MCF2L2: variants seen among roughly 807,000 people sequenced by gnomAD.
MCF2L2 encodes probable guanine nucleotide exchange factor MCF2L2.
In MCF2L2, 102 loss-of-function variants were observed where a neutral mutation model predicts 150.2. The observed-to-expected ratio is 0.68, with a 90% CI of 0.58 to 0.80. MCF2L2 has a LOEUF of 0.80. MCF2L2 is among the 30% of genes least tolerant of loss of function. MCF2L2 has a pLI of 0.00. For missense variants in MCF2L2, 1,256 were observed against 1,372.8 expected, an observed-to-expected ratio of 0.91 and a Z score of 1.34; for synonymous variants, 465 against 491.3, an observed-to-expected ratio of 0.95 and a Z score of 0.71.
chr3:183,424,377 G>A (rs1716055018), intron 1 of MCF2L2, among the ~76,000 whole-genome samples: 1 of 152,124 alleles, frequency 6.6e-6, no homozygotes, highest in South Asian at 2.1e-4. Flanking sequence ...TTTCAAATGG[G>A]GTTTTGGAGA....
At chr3:183,413,801 C>G (rs1258494315) in intron 1 of MCF2L2, among the ~76,000 whole-genome samples, 1 of 152,196 alleles carries the variant, frequency 6.6e-6, no homozygotes, top group Non-Finnish European at 1.5e-5. Context: ...CTTCCAATTA[C>G]TCCTTACAAA....
At chr3:183,339,403 ATAT>A (rs1160708119) in intron 4 of MCF2L2, among the ~76,000 whole-genome samples, 5 of 152,132 alleles carry the variant, frequency 3.3e-5, no homozygotes, top group Non-Finnish European at 5.9e-5. Flanking sequence ...TTCTTTGGAA[ATAT>A]TATTTTTTAC....
At chr3:183,365,808 G>A (rs1368812325) in intron 3 of MCF2L2, among the ~76,000 whole-genome samples, 1 of 151,812 alleles carries the variant, frequency 6.6e-6, no homozygotes, top group African/African-American at 2.4e-5. Flanking sequence ...AAAGACAAAC[G>A]ACAAATTAAG....
chr3:183,294,207 AT>A lies in MCF2L2; in HGVS notation c.1675+1092del, dbSNP rs1437516297. On this transcript the variant is annotated intron_variant, in intron 13 of 29. Transcript: ENST00000328913. Reference sequence around the variant, plus strand: ...GTAATCAGGACCATGTGGGATTGGCATAAGAACTTACCTATTTTTTAAATCT... The same window carrying A: ...GTAATCAGGACCATGTGGGATTGGCAAAGAACTTACCTATTTTTTAAATCT... 3.9e-5 allele frequency among the ~76,000 whole-genome samples: 6 copies of A among 152,360 alleles called. No individual in the cohort carries two copies. In the East Asian group the frequency reaches 1.2e-3, roughly 29 times the overall value.
intron 11 of MCF2L2, 76 bp downstream of exon 11, chr3:183,299,929 A>C: frequency 6.8e-7 from 1 of 1,475,038 alleles, no homozygotes; most frequent in South Asian, 1.2e-5. Flanking sequence ...CACACAAGGA[A>C]GGGAGGACGA....
At chr3:183,328,697 A>G (rs116637648) in intron 5 of MCF2L2, among the ~76,000 whole-genome samples, 208 of 152,348 alleles carry the variant, frequency 1.4e-3, no homozygotes, top group African/African-American at 4.7e-3. Context: ...CATCCAAATT[A>G]AAAACATTTG....
At chr3:183,341,139 AG>A (rs879367385) in intron 4 of MCF2L2, among the ~76,000 whole-genome samples, 3 of 152,188 alleles carry the variant, frequency 2.0e-5, no homozygotes, top group Admixed American at 6.5e-5. Flanking sequence ...CCGTAGGCAA[AG>A]GGGGCTGAGA....
chr3:183,201,955 A>G (rs1722302455), intron 25 of MCF2L2, among the ~76,000 whole-genome samples: 1 of 152,186 alleles, frequency 6.6e-6, no homozygotes, highest in Non-Finnish European at 1.5e-5. Flanking sequence ...GCATTTATTC[A>G]AGGAAAATGG....
At position 183,243,313 on chromosome 3, in the gene MCF2L2, T is replaced by G. The variant is rs1044190191; in HGVS notation, c.1863-12296A>C. 2.0e-5 allele frequency among the ~76,000 whole-genome samples: 3 copies of G among 152,174 alleles called. 1 individual carries two copies. Among genetic ancestry groups the G allele is most frequent in the Admixed American group, 2.0e-4 (3 of 15,264 alleles). ...CTCTGTGTCCCCAGCTTCATCAGGATCCTCCCACACATCCCCATTCTAAGT... is the reference window on the plus strand; with the variant it reads ...CTCTGTGTCCCCAGCTTCATCAGGAGCCTCCCACACATCCCCATTCTAAGT... On this transcript the variant is annotated intron_variant, in intron 15 of 29. Coordinates refer to ENST00000328913, the MANE Select transcript of MCF2L2 (RefSeq NM_015078.4).
In MCF2L2 at chr3:183,270,689, G is replaced by A. The variant is rs972241019; in HGVS notation, c.1862+6183C>T. 9 of 1,613,788 alleles carry A rather than the reference G, an allele frequency of 5.6e-6. No homozygotes were observed. The highest frequency in any genetic ancestry group is 3.3e-5 in the South Asian group (3 of 91,038). ...GTGCCAATAAAATAGGGATAGTACC[G>A]CAGGACCATGTGTTTTTTTCTGGAG... On this transcript the variant is annotated intron_variant, in intron 15 of 29. Transcript: ENST00000328913. This position sits in a 1 kb window ranked among gnomAD's most constrained non-coding sequence, Gnocchi z 4.5.
chr3:183,268,866 T>C (rs1479873728), intron 15 of MCF2L2, among the ~76,000 whole-genome samples: 2 of 152,126 alleles, frequency 1.3e-5, no homozygotes, highest in Admixed American at 6.5e-5. Context: ...GTTTAGAACA[T>C]GTTACATTGA....
intron 27 of MCF2L2, among the ~76,000 whole-genome samples, chr3:183,183,277 G>A (rs1171932725): frequency 3.3e-5 from 5 of 152,234 alleles, no homozygotes; most frequent in Admixed American, 6.5e-5. Context: ...GATTACAGAT[G>A]TGAGCCATCA....
At chr3:183,269,229 G>GTTTTTTTTTTT (rs1305607255) in intron 15 of MCF2L2, among the ~76,000 whole-genome samples, 1 of 77,022 alleles carries the variant, frequency 1.3e-5, no homozygotes, top group African/African-American at 1.1e-4. Context: ...CGTTTGGGAA[G>GTTTTTTTTTTT]CTTTTTTTTT....
chr3:183,310,815 A>T, intron 9 of MCF2L2, 100 bp downstream of exon 9: 1 of 748,488 alleles, frequency 1.3e-6, no homozygotes, highest in Non-Finnish European at 2.2e-6. Flanking sequence ...AAGCTGGATT[A>T]GGGAAAAGAG....
intron 1 of MCF2L2, among the ~76,000 whole-genome samples, chr3:183,427,586 C>T (rs1361185164): frequency 4.7e-5 from 7 of 149,836 alleles, no homozygotes; most frequent in African/African-American, 1.8e-4. Context: ...TAACTTCCCA[C>T]CCACCCTACT....
At chr3:183,405,230 T>C (rs1714983217) in intron 1 of MCF2L2, among the ~76,000 whole-genome samples, 1 of 152,220 alleles carries the variant, frequency 6.6e-6, no homozygotes, top group African/African-American at 2.4e-5. Context: ...TGATTATTAT[T>C]AGAAAATGGG....
At chr3:183,196,506 C>T (rs999470950) in intron 25 of MCF2L2, among the ~76,000 whole-genome samples, 3 of 152,112 alleles carry the variant, frequency 2.0e-5, no homozygotes, top group African/African-American at 4.8e-5. Flanking sequence ...CAACATTGCC[C>T]GGATACCCTC....
intron 3 of MCF2L2, among the ~76,000 whole-genome samples, chr3:183,355,667 C>G (rs374301801): frequency 3.6e-5 from 5 of 140,058 alleles, no homozygotes; most frequent in African/African-American, 1.4e-4. Flanking sequence ...AGGGTTTCAC[C>G]GTGTTAGCCA....
At chr3:183,217,145 T>C (rs189067742) in intron 21 of MCF2L2, among the ~76,000 whole-genome samples, 2 of 150,596 alleles carry the variant, frequency 1.3e-5, no homozygotes, top group East Asian at 3.9e-4. Context: ...AATACAAAAA[T>C]TAGCTTAGTG....
Sources: gnomAD v4.1 joint callset for allele counts (sites outside exome capture counted in the v4.1 genomes callset) on GRCh38, gnomAD v4.1.1 for gene constraint, Gnocchi (gnomAD v3.1) non-coding constraint, MANE v1.5 for transcripts, NCBI Gene and HGNC (gene_info 2026-07-23, HGNC 2026-07-21) for gene names.